KALRN: variants seen among roughly 807,000 people sequenced by gnomAD.
KALRN encodes the protein kalirin RhoGEF kinase, also known as kalirin.
KALRN carries 70 observed loss-of-function variants against 353.7 expected under a neutral mutation model. The ratio of observed to expected loss-of-function variants is 0.20; its 90% CI spans 0.16 to 0.24. The LOEUF (loss-of-function observed/expected upper bound fraction) is 0.24. KALRN is among the 10% of genes least tolerant of loss of function. The pLI is 1.00. For missense variants in KALRN, 2,791 were observed against 3,756.7 expected (o/e 0.74, Z 6.72); for synonymous variants, 1,391 against 1,434.8 (o/e 0.97, Z 0.69).
chr3:124,170,831 CTTTTTTTTTTTTTTTTTTTTTTTTT>C (rs752783614), intron 1 of KALRN, among the ~76,000 whole-genome samples: 5 of 47,118 alleles, frequency 1.1e-4, no homozygotes, highest in African/African-American at 2.4e-4. Context: ...CTTCCACATT[CTTTTTTTTTTTTTTTTTTTTTTTTT>C]TTTTTTTTTT....
intron 33 of KALRN, among the ~76,000 whole-genome samples, chr3:124,547,395 C>T (rs1490392000): frequency 6.6e-6 from 1 of 152,148 alleles, no homozygotes; most frequent in Non-Finnish European, 1.5e-5. Flanking sequence ...TCACTGCAGC[C>T]TCCAACTCCA....
intron 44 of KALRN, 104 bp from the exon 45 acceptor site, chr3:124,661,747 G>A (rs2084904759): frequency 1.2e-6 from 1 of 866,364 alleles, no homozygotes; most frequent in Non-Finnish European, 2.0e-6. Flanking sequence ...CTAGAATAAA[G>A]GAGCCACCAG....
At chr3:124,642,806 G>GTTTTTTTTTTGTTGTTGTTT (rs1553707031) in intron 37 of KALRN, among the ~76,000 whole-genome samples, 21 of 96,818 alleles carry the variant, frequency 2.2e-4, no homozygotes, top group African/African-American at 4.9e-4. Context: ...CCCAAGCCTC[G>GTTTTTTTTTTGTTGTTGTTT]TTTTTTTTTT....
intron 49 of KALRN, chr3:124,677,467 C>G (rs186631100): frequency 7.7e-6 from 3 of 389,234 alleles, no homozygotes; most frequent in Non-Finnish European, 1.5e-5. Context: ...TTGCTGCTCT[C>G]ACCTCCCTGG....
intron 1 of KALRN, among the ~76,000 whole-genome samples, chr3:124,179,684 A>G (rs1055457574): frequency 6.6e-6 from 1 of 152,202 alleles, no homozygotes; most frequent in Non-Finnish European, 1.5e-5. Context: ...TTGTGCTACA[A>G]TGTTATAGCA....
intron 15 of KALRN, among the ~76,000 whole-genome samples, chr3:124,427,921 T>C (rs2093096395): frequency 6.6e-6 from 1 of 152,196 alleles, no homozygotes; most frequent in South Asian, 2.1e-4. Context: ...TGCTTTTACA[T>C]TAATTATTTT....
chr3:124,286,112 T>TTTCTTTCC (rs2075847501), intron 5 of KALRN, among the ~76,000 whole-genome samples: 1 of 148,458 alleles, frequency 6.7e-6, no homozygotes, highest in Admixed American at 6.8e-5. Flanking sequence ...TCTTTCTTTC[T>TTTCTTTCC]TTCTTTCTTT....
intron 13 of KALRN, among the ~76,000 whole-genome samples, chr3:124,408,733 G>A (rs964732984): frequency 6.7e-6 from 1 of 149,838 alleles, no homozygotes; most frequent in African/African-American, 2.4e-5. Context: ...AAAAGGGAGG[G>A]GCAGGTGAAT....
At chr3:124,584,695 G>T in intron 34 of KALRN, 6 of 1,451,762 alleles carry the variant, frequency 4.1e-6, no homozygotes, top group Non-Finnish European at 5.4e-6. Flanking sequence ...GCCGCGGTGC[G>T]GGGAGAGCAC....
chr3:124,346,168 CAGAGAT>C (rs1224152758), intron 9 of KALRN, among the ~76,000 whole-genome samples: 1 of 152,122 alleles, frequency 6.6e-6, no homozygotes, highest in East Asian at 1.9e-4. Flanking sequence ...GCCAACTCTT[CAGAGAT>C]CAAAAGATGA....
Position 124,700,056 on chromosome 3 carries a change from C to T in KALRN, c.7996+23C>T, listed in dbSNP as rs138620359. The stretch of plus-strand genomic sequence containing the variant: ...ATGGTGAGTCCCAGCCCAGCCCTGG[C>T]CCCCCAGGCAGTGGGATTGAGGCAC... On this transcript the variant is annotated intron_variant, in intron 56 of 59. Transcript: ENST00000682506. 685 of 1,610,366 alleles carry T rather than the reference C, an allele frequency of 4.3e-4. 3 individuals carry two copies. The African/African-American group carries it at 7.9e-3, about 19-fold the overall frequency.
chr3:124,451,560 T>G (rs576146903), intron 21 of KALRN, among the ~76,000 whole-genome samples: 2 of 152,328 alleles, frequency 1.3e-5, no homozygotes, highest in East Asian at 3.9e-4. Flanking sequence ...TTAGTTTCTA[T>G]AAGTTACTGT....
At chr3:124,549,727 CT>C (rs2070232182) in intron 33 of KALRN, among the ~76,000 whole-genome samples, 1 of 152,014 alleles carries the variant, frequency 6.6e-6, no homozygotes, top group Non-Finnish European at 1.5e-5. Context: ...GTAGAAATCA[CT>C]GTGAAAGAAT....
chr3:124,152,221 C>T, intron 1 of KALRN: 3 of 1,583,020 alleles, frequency 1.9e-6, no homozygotes, highest in South Asian at 1.1e-5. Flanking sequence ...TTTGCCATAA[C>T]CACGCTTGTA....
chr3:124,591,133 C>T (rs1236894324), intron 34 of KALRN, among the ~76,000 whole-genome samples: 1 of 152,168 alleles, frequency 6.6e-6, no homozygotes, highest in East Asian at 1.9e-4. Flanking sequence ...CAAATGTGGT[C>T]TGCTTTCAAG....
At chr3:124,420,295 T>C (rs1283742704) in intron 14 of KALRN, among the ~76,000 whole-genome samples, 1 of 152,200 alleles carries the variant, frequency 6.6e-6, no homozygotes, top group Non-Finnish European at 1.5e-5. Context: ...AGGTGAGCCA[T>C]GAGGCTCACA....
chr3:124,690,978 A>G (rs1284242656), intron 51 of KALRN, among the ~76,000 whole-genome samples: 3 of 152,246 alleles, frequency 2.0e-5, no homozygotes, highest in African/African-American at 2.4e-5. Flanking sequence ...CAAAGGTCAA[A>G]TATGTATTCA....
chr3:124,497,085 G>A (rs1261321820), intron 33 of KALRN, among the ~76,000 whole-genome samples: 1 of 152,182 alleles, frequency 6.6e-6, no homozygotes, highest in Non-Finnish European at 1.5e-5. Context: ...TAGTAGCTCT[G>A]ATGGGAAAGC....
intron 3 of KALRN, among the ~76,000 whole-genome samples, chr3:124,263,087 T>C (rs1485924008): frequency 6.6e-6 from 1 of 152,224 alleles, no homozygotes; most frequent in Non-Finnish European, 1.5e-5. Context: ...ACCTTCGTTT[T>C]TTTTCTTCCT....
Sources: gnomAD v4.1 joint callset for allele counts (sites outside exome capture counted in the v4.1 genomes callset) on GRCh38, gnomAD v4.1.1 for gene constraint, MANE v1.5 for transcripts, NCBI Gene and HGNC (gene_info 2026-07-23, HGNC 2026-07-21) for gene names.